Variants in KIF26B observed in about 807,000 individuals in gnomAD.
The protein encoded by KIF26B is kinesin family member 26B.
KIF26B carries 63 observed loss-of-function variants against 151.2 expected under a neutral mutation model. The ratio of observed to expected loss-of-function variants is 0.42; its 90% CI spans 0.34 to 0.51. The LOEUF (loss-of-function observed/expected upper bound fraction) is 0.51, where lower values mean the gene tolerates loss of function less well. Ranked by LOEUF, KIF26B falls within the 20% of genes least tolerant of loss-of-function variation. KIF26B has a pLI of 0.07. For missense variants in KIF26B, 2,813 were observed against 2,913.6 expected, an observed-to-expected ratio of 0.97 and a Z score of 0.79; for synonymous variants, 1,357 against 1,262.1, an observed-to-expected ratio of 1.08 and a Z score of -1.59.
At chr1:245,335,817 A>AG (rs1672213438) in intron 2 of KIF26B, among the ~76,000 whole-genome samples, 1 of 140,352 alleles carries the variant, frequency 7.1e-6, no homozygotes, top group South Asian at 2.4e-4. Context: ...ACGCAGGGAA[A>AG]GAAGAGCCCC....
intron 2 of KIF26B, among the ~76,000 whole-genome samples, chr1:245,262,037 T>C (rs72779258): frequency 9.0e-4 from 137 of 152,316 alleles, no homozygotes; most frequent in Admixed American, 1.4e-3. Context: ...ATTTTTCAAA[T>C]ATCCTGTCTG....
At chr1:245,369,652 A>G (rs1673060065) in intron 3 of KIF26B, among the ~76,000 whole-genome samples, 1 of 152,254 alleles carries the variant, frequency 6.6e-6, no homozygotes, top group Non-Finnish European at 1.5e-5. Flanking sequence ...GATTGTGGCC[A>G]CACAGCCAGT....
At chr1:245,689,314 G>A (rs1240732539) in intron 12 of KIF26B, among the ~76,000 whole-genome samples, 1 of 152,140 alleles carries the variant, frequency 6.6e-6, no homozygotes, top group African/African-American at 2.4e-5. Flanking sequence ...CTCATGACCT[G>A]GTGGCTTCAG....
At chr1:245,681,460 C>T (rs186973712) in intron 10 of KIF26B, among the ~76,000 whole-genome samples, 8 of 152,276 alleles carry the variant, frequency 5.3e-5, no homozygotes, top group East Asian at 1.9e-4. Context: ...CCACCCACCT[C>T]GGCCTCCCAA....
chr1:245,687,694 C>G lies in KIF26B; in HGVS notation c.4711C>G (p.Pro1571Ala), dbSNP rs765214966. The G allele has an allele frequency of 1.3e-6, 2 of 1,582,318 alleles. No individual in the cohort carries two copies. Among genetic ancestry groups the G allele is most frequent in the Admixed American group, 1.8e-5 (1 of 56,404 alleles). Residue 1571 changes from proline (P) to alanine (A), a missense_variant, in exon 12 of 15, where the codon CCG becomes GCG. Physicochemically the swap from Pro to Ala is conservative, Grantham distance 27. Coordinates refer to ENST00000407071, the MANE Select transcript of KIF26B (RefSeq NM_018012.4). The surrounding 1 kb of genome is among the most constrained non-coding windows in gnomAD (Gnocchi z 4.9). The stretch of plus-strand genomic sequence containing the variant: ...CGGGGTGGGTGCAGCCTCGGGCACC[C>G]CGCCCTCCAAGGCTACCCTGGAGGG... The part of the protein sequence containing the change: ...TNGVGAASGT[P>A]PSKATLEGKV...
intron 5 of KIF26B, among the ~76,000 whole-genome samples, chr1:245,557,762 C>T (rs575496622): frequency 6.6e-6 from 1 of 152,270 alleles, no homozygotes; most frequent in South Asian, 2.1e-4. Flanking sequence ...GGAAGAAGCA[C>T]AGGTGAGCTA....
At chr1:245,549,357 G>T (rs1661825846) in intron 5 of KIF26B, among the ~76,000 whole-genome samples, 2 of 152,100 alleles carry the variant, frequency 1.3e-5, no homozygotes, top group African/African-American at 4.8e-5. Context: ...CAATAAGATG[G>T]ATTATAATGC....
intron 4 of KIF26B, among the ~76,000 whole-genome samples, chr1:245,518,214 G>A (rs906514451): frequency 2.6e-5 from 4 of 151,992 alleles, no homozygotes; most frequent in Admixed American, 2.6e-4. Flanking sequence ...CTAAGACAAC[G>A]TATTTTTCAG....
intron 2 of KIF26B, among the ~76,000 whole-genome samples, chr1:245,207,277 T>G (rs982398516): frequency 6.6e-5 from 10 of 152,224 alleles, no homozygotes; most frequent in Non-Finnish European, 8.8e-5. Flanking sequence ...CAGGACTGGT[T>G]GCCACGAGAG....
intron 2 of KIF26B, among the ~76,000 whole-genome samples, chr1:245,293,318 G>C (rs956267851): frequency 6.6e-6 from 1 of 152,138 alleles, no homozygotes; most frequent in Non-Finnish European, 1.5e-5. Flanking sequence ...TGCTGCAGGA[G>C]GGGGTGGTTG....
chr1:245,386,998 G>A (rs1209097869), intron 3 of KIF26B, among the ~76,000 whole-genome samples: 3 of 152,146 alleles, frequency 2.0e-5, no homozygotes, highest in Non-Finnish European at 4.4e-5. Flanking sequence ...GAGCAGAGAT[G>A]AAGGCCAGAT....
intron 3 of KIF26B, among the ~76,000 whole-genome samples, chr1:245,410,962 A>G (rs953113147): frequency 6.6e-6 from 1 of 152,206 alleles, no homozygotes; most frequent in African/African-American, 2.4e-5. Context: ...AGGTGGAATC[A>G]TACAATATTT....
At chr1:245,567,058 G>A (rs1283231374) in intron 5 of KIF26B, among the ~76,000 whole-genome samples, 1 of 152,320 alleles carries the variant, frequency 6.6e-6, no homozygotes, top group African/African-American at 2.4e-5. Flanking sequence ...CCAGAGTGGA[G>A]AGCCCTGCAC....
chr1:245,369,644 T>C (rs539201300), intron 3 of KIF26B, among the ~76,000 whole-genome samples: 4 of 152,232 alleles, frequency 2.6e-5, no homozygotes, highest in Non-Finnish European at 5.9e-5. Flanking sequence ...AATGGACTGA[T>C]TGTGGCCACA....
intron 4 of KIF26B, among the ~76,000 whole-genome samples, chr1:245,535,312 G>A (rs181774108): frequency 9.9e-5 from 15 of 152,244 alleles, no homozygotes; most frequent in Non-Finnish European, 1.5e-4. Context: ...ATCTATGGCT[G>A]TAAAAATGTG....
At chr1:245,533,283 A>G (rs1052817780) in intron 4 of KIF26B, among the ~76,000 whole-genome samples, 2 of 152,140 alleles carry the variant, frequency 1.3e-5, no homozygotes. Context: ...GAGACTGTCC[A>G]TCTGCCACCC....
chr1:245,169,138 C>T (rs1176794474), intron 2 of KIF26B, among the ~76,000 whole-genome samples: 1 of 152,062 alleles, frequency 6.6e-6, no homozygotes, highest in East Asian at 1.9e-4. Flanking sequence ...GCCCCTCCCT[C>T]GTCCTTCCAC....
intron 5 of KIF26B, among the ~76,000 whole-genome samples, chr1:245,561,904 G>T (rs911610304): frequency 2.6e-5 from 4 of 152,168 alleles, no homozygotes; most frequent in African/African-American, 4.8e-5. Flanking sequence ...AGGTGGTCCT[G>T]CCTCTTCTCA....
chr1:245,466,324 G>A (rs1252591397), intron 4 of KIF26B, among the ~76,000 whole-genome samples: 1 of 152,152 alleles, frequency 6.6e-6, no homozygotes, highest in Non-Finnish European at 1.5e-5. Context: ...GCAAGCAGAC[G>A]CTTCTTTTCT....
Sources: gnomAD v4.1 joint callset for allele counts (sites outside exome capture counted in the v4.1 genomes callset) on GRCh38, gnomAD v4.1.1 for gene constraint, Gnocchi (gnomAD v3.1) non-coding constraint, MANE v1.5 for transcripts, NCBI Gene and HGNC (gene_info 2026-07-23, HGNC 2026-07-21) for gene names.